The following SF3A3 variants were observed in gnomAD, a reference collection of about 807,000 sequenced individuals.
The protein encoded by SF3A3 is SAP 61.
SF3A3 carries 9 observed loss-of-function variants against 85.8 expected under a neutral mutation model. The ratio of observed to expected loss-of-function variants is 0.10; its 90% CI spans 0.06 to 0.18. SF3A3 has a LOEUF of 0.18. Ranked by LOEUF, SF3A3 falls within the 10% of genes least tolerant of loss-of-function variation. The pLI is 1.00. For synonymous variants in SF3A3, 195 were observed against 204.4 expected (o/e 0.95, Z 0.39); for missense variants, 306 against 593.3 (o/e 0.52, Z 5.03).
intron 7 of SF3A3, 104 bp from the exon 8 acceptor site, chr1:37,980,828 T>A: frequency 4.7e-6 from 3 of 633,918 alleles, no homozygotes; most frequent in Non-Finnish European, 7.3e-6. Context: ...AGTAATGCTA[T>A]CTTTTTAATA....
At chr1:37,967,496 T>G (rs1164760281) in intron 15 of SF3A3, among the ~76,000 whole-genome samples, 2 of 151,090 alleles carry the variant, frequency 1.3e-5, no homozygotes, top group East Asian at 2.0e-4. Flanking sequence ...TGGCTAACAC[T>G]GTGAAACCCT....
intron 15 of SF3A3, 142 bp from the exon 16 acceptor site, chr1:37,960,317 T>C (rs1198370253): frequency 4.2e-6 from 3 of 707,576 alleles, no homozygotes; most frequent in Non-Finnish European, 4.9e-6. Flanking sequence ...AACCAGAGTT[T>C]TGGTTCTGGA....
chr1:37,970,034 G>A (rs536269738), intron 12 of SF3A3, among the ~76,000 whole-genome samples: 1 of 152,220 alleles, frequency 6.6e-6, no homozygotes, highest in African/African-American at 2.4e-5. Flanking sequence ...GCTGGGTGTG[G>A]TGGCTCACGC....
chr1:37,972,205 A>T (rs369243900), intron 12 of SF3A3, among the ~76,000 whole-genome samples: 1 of 152,218 alleles, frequency 6.6e-6, no homozygotes, highest in East Asian at 1.9e-4. Flanking sequence ...ATTCTTATAC[A>T]CCAATAACAG....
At chr1:37,973,974 C>T (rs925581747) in intron 12 of SF3A3, among the ~76,000 whole-genome samples, 3 of 152,064 alleles carry the variant, frequency 2.0e-5, no homozygotes, top group African/African-American at 4.8e-5. Context: ...AGCAAACTAT[C>T]GCAAGGACAG....
intron 12 of SF3A3, among the ~76,000 whole-genome samples, chr1:37,975,464 T>G (rs914650861): frequency 4.0e-5 from 6 of 151,324 alleles, no homozygotes; most frequent in Admixed American, 3.3e-4. Context: ...TGCAGTGAGC[T>G]GAGATCCCGC....
intron 4 of SF3A3, among the ~76,000 whole-genome samples, chr1:37,984,998 G>A (rs552889335): frequency 6.6e-6 from 1 of 152,208 alleles, no homozygotes; most frequent in Non-Finnish European, 1.5e-5. Context: ...AGTAGAGACA[G>A]GGTTTTGCCA....
intron 12 of SF3A3, among the ~76,000 whole-genome samples, chr1:37,972,623 T>C (rs1009587638): frequency 1.3e-5 from 2 of 152,188 alleles, no homozygotes; most frequent in African/African-American, 4.8e-5. Context: ...CTTCAAACTA[T>C]ACTACAAGGC....
intron 16 of SF3A3, among the ~76,000 whole-genome samples, chr1:37,959,632 G>A (rs780976091): frequency 6.6e-5 from 10 of 152,048 alleles, no homozygotes; most frequent in Non-Finnish European, 1.2e-4. Context: ...AGGCTGGAGT[G>A]CAGTGGCACA....
intron 10 of SF3A3, 55 bp downstream of exon 10, chr1:37,978,933 A>T (rs1646398156): frequency 6.4e-7 from 1 of 1,550,494 alleles, no homozygotes; most frequent in African/African-American, 1.4e-5. Context: ...GCTACTTAGA[A>T]GACTGTGCAA....
At chr1:37,961,520 G>A (rs1053640296) in intron 15 of SF3A3, among the ~76,000 whole-genome samples, 3 of 151,562 alleles carry the variant, frequency 2.0e-5, no homozygotes, top group Non-Finnish European at 4.4e-5. Context: ...GGAGGTGGAG[G>A]TTGGGGTGAG....
At position 37,979,447 on chromosome 1, in the gene SF3A3, C is replaced by T. The variant is rs769376866; in HGVS notation, c.759+18G>A. On this transcript the variant is annotated intron_variant, in intron 9 of 16. Coordinates refer to ENST00000373019, the MANE Select transcript of SF3A3 (RefSeq NM_006802.4). ...AAAATAGACAGAGAGAACACTACTA[C>T]TGCTGAAGGAAACATACCTCCCAGG... 2.5e-6 allele frequency: 4 copies of T among 1,591,000 alleles called. No individual in the cohort carries two copies.
At chr1:37,980,465 A>C in intron 8 of SF3A3, 121 bp downstream of exon 8, 1 of 1,082,702 alleles carries the variant, frequency 9.2e-7, no homozygotes, top group Non-Finnish European at 1.3e-6. Context: ...GGAATACCTC[A>C]TTGTCACAAG....
chr1:37,978,954 A>T, intron 10 of SF3A3, 34 bp downstream of exon 10: 1 of 1,593,684 alleles, frequency 6.3e-7, no homozygotes, highest in Non-Finnish European at 8.6e-7. Context: ...ACACACAGTA[A>T]ATCGATAGTT....
Position 37,965,305 on chromosome 1 carries a change from A to C in SF3A3, c.1372+2739T>G, listed in dbSNP as rs1383251312. Among the ~76,000 whole-genome samples the C allele has an allele frequency of 2.1e-5, 3 of 143,586 alleles. No individual in the cohort carries two copies. In the East Asian group the frequency reaches 6.0e-4, roughly 29 times the overall value. 94.2% of individuals were successfully genotyped at this position (143,586 alleles called of 152,430 possible). A position where few individuals can be genotyped will look rare whatever the true frequency, so the allele number is the denominator to read the frequency against. ...ACATAAGGAAACCCCATCGGCACAA[A>C]AAAAAAAAAAAAAAGAAAATAAACT... is the stretch of plus-strand genomic sequence containing the variant. On this transcript the variant is annotated intron_variant, in intron 15 of 16. Transcript: ENST00000373019.
At chr1:37,980,152 C>T (rs1053808605) in intron 8 of SF3A3, among the ~76,000 whole-genome samples, 31 of 151,936 alleles carry the variant, frequency 2.0e-4, no homozygotes, top group African/African-American at 5.8e-4. Flanking sequence ...CGGCCAGGTG[C>T]GGTGGCTCAC....
At chr1:37,963,081 C>A (rs1301542760) in intron 15 of SF3A3, among the ~76,000 whole-genome samples, 1 of 149,196 alleles carries the variant, frequency 6.7e-6, no homozygotes, top group Non-Finnish European at 1.5e-5. Context: ...GAGCGAGACT[C>A]CGTCTCAAAA....
intron 15 of SF3A3, among the ~76,000 whole-genome samples, chr1:37,966,708 G>A (rs1327191854): frequency 1.3e-5 from 2 of 151,494 alleles, no homozygotes; most frequent in Admixed American, 6.6e-5. Context: ...AGGCCGAGGT[G>A]GGCAGATCAC....
chr1:37,988,705 G>T (rs1231696452), intron 2 of SF3A3, among the ~76,000 whole-genome samples: 2 of 152,124 alleles, frequency 1.3e-5, no homozygotes. Flanking sequence ...AAGGAACGTA[G>T]TAAAATGAAC....
Sources: allele counts gnomAD v4.1 joint callset (sites outside exome capture counted in the v4.1 genomes callset), GRCh38; gene constraint gnomAD v4.1.1; transcripts MANE v1.5; gene names NCBI Gene and HGNC (gene_info 2026-07-23, HGNC 2026-07-21).